The following SLC49A4 variants were observed in gnomAD, a reference collection of about 807,000 sequenced individuals.
SLC49A4 encodes solute carrier family 49 member 4.
A neutral mutation model predicts 50.6 loss-of-function variants in SLC49A4; 36 were observed. The ratio of observed to expected loss-of-function variants is 0.71; its 90% CI spans 0.55 to 0.94. SLC49A4 has a LOEUF of 0.94. SLC49A4 is among the 40% of genes least tolerant of loss of function. SLC49A4 has a pLI of 0.00. For synonymous variants in SLC49A4, 248 were observed against 241.2 expected (o/e 1.03, Z -0.26); for missense variants, 503 against 605.7 (o/e 0.83, Z 1.78).
At chr3:122,799,522 G>A (rs1936100709) in intron 1 of SLC49A4, among the ~76,000 whole-genome samples, 2 of 152,214 alleles carry the variant, frequency 1.3e-5, no homozygotes, top group Non-Finnish European at 2.9e-5. Context: ...GGTCAGAGAG[G>A]TGGTGAGAGG....
At chr3:122,836,809 A>C (rs1434255494) in intron 4 of SLC49A4, among the ~76,000 whole-genome samples, 1 of 152,168 alleles carries the variant, frequency 6.6e-6, no homozygotes, top group East Asian at 1.9e-4. Context: ...TATATCTAGA[A>C]AACCCCATCG....
intron 2 of SLC49A4, among the ~76,000 whole-genome samples, chr3:122,824,716 C>CT (rs796246585): frequency 0.043 from 4,865 of 113,524 alleles, 318 homozygotes; most frequent in African/African-American, 0.15. Flanking sequence ...CCTTTCCTTT[C>CT]TTTTTTTTTC....
rs1935990618 is a variant in SLC49A4 at position 122,795,116 on chromosome 3, C to CCGG, written c.-77_-76insCGG. On this transcript the variant is annotated 5_prime_UTR_variant, in exon 1 of 9. Coordinates refer to ENST00000261038, the MANE Select transcript of SLC49A4 (RefSeq NM_032839.3). ...ACAGCAGCCTCCGCCTCCTGCTGCTCAGGACTATTCTGCGCTGGGCTAGTC... is the reference window on the plus strand; with the variant it reads ...ACAGCAGCCTCCGCCTCCTGCTGCTCCGGAGGACTATTCTGCGCTGGGCTAGTC... The CCGG allele has an allele frequency of 1.1e-5, 14 of 1,251,824 alleles. No homozygotes were observed. The highest frequency in any genetic ancestry group is 1.4e-5 in the Non-Finnish European group (14 of 1,002,108). 77.5% of individuals were successfully genotyped at this position (1,251,824 alleles called of 1,614,324 possible).
intron 4 of SLC49A4, among the ~76,000 whole-genome samples, chr3:122,841,839 T>G (rs1464230798): frequency 6.6e-6 from 1 of 152,186 alleles, no homozygotes; most frequent in East Asian, 1.9e-4. Flanking sequence ...TGCATATAGG[T>G]AGGTCACAAA....
chr3:122,803,824 T>C lies in SLC49A4; in HGVS notation c.344-3033T>C, dbSNP rs556381511. ...CCCCAGCAAAAGGAGTTATCACATC[T>C]GTTGAAAGGAAGCATTCTGAATGTT... On this transcript the variant is annotated intron_variant, in intron 1 of 8. Transcript: ENST00000261038. Among the ~76,000 whole-genome samples the C allele has an allele frequency of 3.3e-5, 5 of 152,334 alleles. No individual in the cohort carries two copies. In the South Asian group the frequency reaches 1.0e-3, roughly 32 times the overall value.
chr3:122,862,287 A>T (rs762096567), intron 7 of SLC49A4, among the ~76,000 whole-genome samples: 1 of 152,206 alleles, frequency 6.6e-6, no homozygotes, highest in African/African-American at 2.4e-5. Flanking sequence ...GCCTTGGAAC[A>T]CTGAAAAAAT....
At position 122,806,873 on chromosome 3, in the gene SLC49A4, G is replaced by C; in HGVS notation, c.360G>C (p.Val120=). The change falls in exon 2 of 9, where the codon GTG becomes GTC. Residue 120 remains valine (V), a synonymous_variant. Transcript: ENST00000261038. ...LLDKRGLRIT[V]LLTSFLMVLG... The stretch of plus-strand genomic sequence containing the variant: ...TCATTTTAGGTCTCCGGATAACTGT[G>C]CTCCTGACATCCTTCCTTATGGTTT... 1 of 1,606,882 alleles carries C rather than the reference G, an allele frequency of 6.2e-7. No homozygotes were observed.
chr3:122,820,016 A>AG (rs1936429146), intron 2 of SLC49A4, among the ~76,000 whole-genome samples: 1 of 152,206 alleles, frequency 6.6e-6, no homozygotes, highest in Admixed American at 6.5e-5. Context: ...AATAGCACTG[A>AG]GGAAGTATCT....
At chr3:122,844,938 A>C (rs767441586) in intron 4 of SLC49A4, among the ~76,000 whole-genome samples, 4 of 152,056 alleles carry the variant, frequency 2.6e-5, no homozygotes, top group East Asian at 1.9e-4. Context: ...AGTTATTCAT[A>C]TGTGTATATG....
intron 2 of SLC49A4, among the ~76,000 whole-genome samples, chr3:122,824,257 A>G (rs1936493507): frequency 6.6e-6 from 1 of 152,204 alleles, no homozygotes; most frequent in Admixed American, 6.5e-5. Flanking sequence ...TGGCCTCCCA[A>G]GTTCAAGGAC....
chr3:122,840,332 A>G lies in SLC49A4; in HGVS notation c.834-5431A>G, dbSNP rs558695827. The stretch of plus-strand genomic sequence containing the variant: ...CACCAAAGTCTCAGACTTCACCGCT[A>G]TCCAATTCATCCTTGTAACCAAAAA... On this transcript the variant is annotated intron_variant, in intron 4 of 8. Coordinates refer to ENST00000261038, the MANE Select transcript of SLC49A4 (RefSeq NM_032839.3). Among the ~76,000 whole-genome samples, 27 of 152,332 alleles carry G rather than the reference A, an allele frequency of 1.8e-4. No individual in the cohort carries two copies. In the South Asian group the frequency reaches 5.6e-3, roughly 32 times the overall value.
Position 122,826,878 on chromosome 3 carries a change from G to A in SLC49A4, c.516G>A (p.Thr172=), listed in dbSNP as rs192936529. Residue 172 remains threonine, a synonymous_variant, in exon 3 of 9, where the codon ACG becomes ACA. Coordinates refer to ENST00000261038, the MANE Select transcript of SLC49A4 (RefSeq NM_032839.3). ...ATGCAGCACCATTTCTCTCTACGAC[G>A]TGGTTTTCTGCAGATGAAAGGGCCA... ...VMNAAPFLST[T]WFSADERATA... The A allele has an allele frequency of 1.9e-5, 31 of 1,614,142 alleles. No individual in the cohort carries two copies. The highest frequency in any genetic ancestry group is 1.3e-4 in the East Asian group (6 of 44,888).
chr3:122,833,644 A>G (rs1249015034), intron 4 of SLC49A4, among the ~76,000 whole-genome samples, 198 bp downstream of exon 4: 2 of 152,194 alleles, frequency 1.3e-5, no homozygotes, highest in South Asian at 2.1e-4. Flanking sequence ...AAAAACTTCT[A>G]TAATTTTTGC....
At position 122,825,813 on chromosome 3, in the gene SLC49A4, G is replaced by A. The variant is rs184199748; in HGVS notation, c.438-987G>A. On this transcript the variant is annotated intron_variant, in intron 2 of 8. Transcript: ENST00000261038. Reference sequence around the variant, plus strand: ...TGTCTATGCTTTCTTTGGACTTCTGGCCTCTTTTCTATTTCAAGGCAGCTC... The same window carrying A: ...TGTCTATGCTTTCTTTGGACTTCTGACCTCTTTTCTATTTCAAGGCAGCTC... Among the ~76,000 whole-genome samples, 429 of 152,114 alleles carry A rather than the reference G, an allele frequency of 2.8e-3. 7 individuals carry two copies. Among genetic ancestry groups the A allele is most frequent in the Non-Finnish European group, 3.4e-3 (232 of 68,008 alleles).
chr3:122,879,217 T>C (rs755013597), intron 8 of SLC49A4, 46 bp from the exon 9 acceptor site: 9 of 1,367,732 alleles, frequency 6.6e-6, no homozygotes, highest in Non-Finnish European at 9.4e-6. Flanking sequence ...GGTGGTCTGC[T>C]GGTGATACAT....
At chr3:122,839,484 CTG>C (rs920234469) in intron 4 of SLC49A4, among the ~76,000 whole-genome samples, 33 of 152,110 alleles carry the variant, frequency 2.2e-4, no homozygotes, top group African/African-American at 7.7e-4. Flanking sequence ...TTTGCAAACT[CTG>C]TATCTGACAG....
chr3:122,830,320 G>C (rs983177555), intron 3 of SLC49A4, among the ~76,000 whole-genome samples: 2 of 152,154 alleles, frequency 1.3e-5, no homozygotes, highest in African/African-American at 4.8e-5. Context: ...AGGCGATCCT[G>C]AAATTTACAT....
At chr3:122,809,158 A>G (rs989444219) in intron 2 of SLC49A4, among the ~76,000 whole-genome samples, 7 of 152,212 alleles carry the variant, frequency 4.6e-5, no homozygotes, top group African/African-American at 1.7e-4. Context: ...ATAAATGTTC[A>G]GTTTTGAATT....
rs139948082 is a variant in SLC49A4, at chr3:122,830,403, A to G, written c.704-2914A>G. 4.0e-3 allele frequency among the ~76,000 whole-genome samples: 611 copies of G among 152,342 alleles called. 6 individuals carry two copies. The highest frequency in any genetic ancestry group is 0.014 in the African/African-American group (589 of 41,582). ...AAAATTGGAGAACTCAGACTTCTCAACTACAAAACTTATTACAAAGCTATA... is the reference window on the plus strand; with the variant it reads ...AAAATTGGAGAACTCAGACTTCTCAGCTACAAAACTTATTACAAAGCTATA... On this transcript the variant is annotated intron_variant, in intron 3 of 8. Transcript: ENST00000261038.
Sources: allele counts gnomAD v4.1 joint callset (sites outside exome capture counted in the v4.1 genomes callset), GRCh38; gene constraint gnomAD v4.1.1; transcripts MANE v1.5; gene names NCBI Gene and HGNC (gene_info 2026-07-23, HGNC 2026-07-21).